Variants in RETREG3 observed in about 807,000 individuals in gnomAD.
RETREG3 encodes reticulophagy regulator family member 3.
In RETREG3, 23 loss-of-function variants were observed where a neutral mutation model predicts 50.2. The ratio of observed to expected loss-of-function variants is 0.46; its 90% CI spans 0.33 to 0.65. RETREG3 has a LOEUF of 0.65. Among genes scored for constraint, RETREG3 ranks in the 30% least tolerant of loss-of-function variants. The pLI is 0.02. For synonymous variants in RETREG3, 240 were observed against 234.4 expected, an observed-to-expected ratio of 1.02 and a Z score of -0.22; for missense variants, 546 against 598.0, an observed-to-expected ratio of 0.91 and a Z score of 0.91.
intron 1 of RETREG3, chr17:42,596,397 A>G (rs1390986854): frequency 3.6e-5 from 4 of 109,832 alleles, no homozygotes; most frequent in African/African-American, 1.0e-4. Context: ...AAAAAAAAAA[A>G]AAGAAATAAA....
At chr17:42,595,397 T>C (rs1048700426) in intron 1 of RETREG3, among the ~76,000 whole-genome samples, 3 of 151,484 alleles carry the variant, frequency 2.0e-5, no homozygotes, top group African/African-American at 7.3e-5. Context: ...GCCACCGCAC[T>C]CTGGCCCTTT....
chr17:42,582,990 T>C (rs1283612654), intron 7 of RETREG3, among the ~76,000 whole-genome samples, 184 bp from the exon 8 acceptor site: 3 of 151,986 alleles, frequency 2.0e-5, no homozygotes, highest in Non-Finnish European at 2.9e-5. Context: ...AATCAATACA[T>C]GTGAAAGTAA....
chr17:42,589,559 A>G (rs1257815103), intron 2 of RETREG3, among the ~76,000 whole-genome samples: 1 of 152,144 alleles, frequency 6.6e-6, no homozygotes, highest in Non-Finnish European at 1.5e-5. Context: ...CAGCCTCCCA[A>G]GTAGCTGGGG....
At chr17:42,586,732 C>T in intron 4 of RETREG3, 33 bp downstream of exon 4, 1 of 1,608,958 alleles carries the variant, frequency 6.2e-7, no homozygotes, top group Non-Finnish European at 8.5e-7. Flanking sequence ...ACTGAGAGGC[C>T]AGAGATGAAA....
chr17:42,593,068 A>G (rs1394270764), intron 1 of RETREG3, among the ~76,000 whole-genome samples: 1 of 152,204 alleles, frequency 6.6e-6, no homozygotes, highest in Non-Finnish European at 1.5e-5. Context: ...CAAAAAAAGG[A>G]AACACTTCTT....
intron 1 of RETREG3, among the ~76,000 whole-genome samples, chr17:42,599,466 C>T (rs1357354584): frequency 1.3e-5 from 2 of 151,668 alleles, no homozygotes; most frequent in African/African-American, 4.9e-5. Flanking sequence ...ACCAGCCTAG[C>T]TAACATGGAG....
rs2093110554 is a variant in RETREG3 at position 42,582,122 on chromosome 17, A to G, written c.1092T>C (p.Ala364=). ...PSLMYRSPPG[A]EEPQAPPASR... The stretch of plus-strand genomic sequence containing the variant: ...TGGCAGGTGGGGCCTGGGGCTCCTC[A>G]GCCCCTGGCGGAGAACGGTACATCA... The change falls in exon 9 of 9, where the codon GCT becomes GCC. Residue 364 remains alanine (A), a synonymous_variant. Transcript: ENST00000309428. The G allele has an allele frequency of 6.2e-7, 1 of 1,614,026 alleles. No homozygotes were observed. Among genetic ancestry groups the G allele is most frequent in the Non-Finnish European group, 8.5e-7 (1 of 1,180,036 alleles).
intron 1 of RETREG3, chr17:42,598,666 A>G (rs183610977): frequency 1.3e-5 from 2 of 152,312 alleles, no homozygotes; most frequent in African/African-American, 4.8e-5. Context: ...TATCTTGCAA[A>G]TCACAGCTTA....
chr17:42,605,821 T>C (rs6503712), intron 1 of RETREG3, among the ~76,000 whole-genome samples: 141,517 of 151,870 alleles, frequency 0.93, 66,009 homozygotes, highest in East Asian at 1. Flanking sequence ...GGTGAAACTC[T>C]GCCCTACAAA....
chr17:42,607,890 C>T (rs2093171185), intron 1 of RETREG3, among the ~76,000 whole-genome samples: 1 of 151,972 alleles, frequency 6.6e-6, no homozygotes. Flanking sequence ...TTGCTAAAGG[C>T]TCTGGAAGCC....
chr17:42,607,128 G>A (rs543063521), intron 1 of RETREG3, among the ~76,000 whole-genome samples: 1 of 152,258 alleles, frequency 6.6e-6, no homozygotes, highest in African/African-American at 2.4e-5. Flanking sequence ...GTTTTGACTG[G>A]ATAAAACACT....
At chr17:42,601,628 C>CTTTT (rs750926453) in intron 1 of RETREG3, among the ~76,000 whole-genome samples, 13 of 79,806 alleles carry the variant, frequency 1.6e-4, no homozygotes, top group African/African-American at 2.5e-4. Flanking sequence ...AAGGTTCCAA[C>CTTTT]TTTTTTTTTT....
chr17:42,585,932 T>C, intron 5 of RETREG3, 121 bp downstream of exon 5: 1 of 883,792 alleles, frequency 1.1e-6, no homozygotes, highest in East Asian at 2.5e-5. Context: ...CATGAAAATA[T>C]GCAAAGGTCA....
intron 2 of RETREG3, 114 bp from the exon 3 acceptor site, chr17:42,587,978 A>G: frequency 8.7e-7 from 1 of 1,154,930 alleles, no homozygotes; most frequent in South Asian, 1.2e-5. Flanking sequence ...AGAAAACAGT[A>G]ATAGCCGATA....
In RETREG3 at chr17:42,594,963, C is replaced by CT. The variant is rs777063995; in HGVS notation, c.240-2802dup. ...TTTTGTTTGTAGATTTTTTTTTTTA[C>CT]TTTTTTTTTTTTTTTTTTTTGAGAC... On this transcript the variant is annotated intron_variant, in intron 1 of 8. Transcript: ENST00000309428. Among the ~76,000 whole-genome samples, 907 of 125,210 alleles carry CT rather than the reference C, an allele frequency of 7.2e-3. 9 individuals carry two copies. The highest frequency in any genetic ancestry group is 8.8e-3 in the Non-Finnish European group (522 of 58,984). 82.1% of individuals were successfully genotyped at this position (125,210 alleles called of 152,430 possible).
intron 2 of RETREG3, among the ~76,000 whole-genome samples, chr17:42,589,394 C>T (rs1046124846): frequency 1.3e-5 from 2 of 152,186 alleles, no homozygotes; most frequent in African/African-American, 4.8e-5. Flanking sequence ...ACTCTCTTAG[C>T]TTTAACCCCC....
chr17:42,599,942 C>T (rs191837089), intron 1 of RETREG3, among the ~76,000 whole-genome samples: 104 of 151,426 alleles, frequency 6.9e-4, no homozygotes, highest in African/African-American at 2.4e-3. Context: ...TGCAGCGAGC[C>T]GTTATCGTGC....
intron 1 of RETREG3, among the ~76,000 whole-genome samples, chr17:42,604,806 G>A (rs1414313770): frequency 6.6e-6 from 1 of 151,494 alleles, no homozygotes; most frequent in Non-Finnish European, 1.5e-5. Flanking sequence ...CACATTTCCA[G>A]TGTTCATTTA....
chr17:42,593,455 C>G (rs971494465), intron 1 of RETREG3, among the ~76,000 whole-genome samples: 4 of 151,680 alleles, frequency 2.6e-5, no homozygotes, highest in African/African-American at 9.7e-5. Flanking sequence ...CGAGACCATC[C>G]TGGTTAATAT....
Sources: gnomAD v4.1 joint callset for allele counts (sites outside exome capture counted in the v4.1 genomes callset) on GRCh38, gnomAD v4.1.1 for gene constraint, MANE v1.5 for transcripts, NCBI Gene and HGNC (gene_info 2026-07-23, HGNC 2026-07-21) for gene names.